The following CHL1 variants were observed in gnomAD, a reference collection of about 807,000 sequenced individuals.
CHL1 encodes the protein cell adhesion molecule L1 like.
Under a neutral mutation model 141.9 loss-of-function variants are expected in CHL1, and 96 were observed. That is an observed-to-expected ratio of 0.68 (90% CI 0.57 to 0.80). The LOEUF is 0.80. CHL1 is among the 30% of genes least tolerant of loss of function. The pLI is 0.00. For missense variants in CHL1, 1,820 were observed against 1,457.2 expected (o/e 1.25, Z -4.05); for synonymous variants, 613 against 502.2 (o/e 1.22, Z -2.95).
intron 1 of CHL1, among the ~76,000 whole-genome samples, chr3:218,921 C>G (rs532333166): frequency 6.6e-6 from 1 of 152,020 alleles, no homozygotes; most frequent in African/African-American, 2.4e-5. Flanking sequence ...CCAAGACGGG[C>G]GGATCACGAG....
At chr3:353,148 G>A (rs1032201175) in intron 10 of CHL1, among the ~76,000 whole-genome samples, 1 of 152,068 alleles carries the variant, frequency 6.6e-6, no homozygotes, top group Non-Finnish European at 1.5e-5. Flanking sequence ...AGTCCTAATA[G>A]TAAATATCCT....
chr3:375,228 C>A (rs1372945154), intron 15 of CHL1, among the ~76,000 whole-genome samples: 1 of 152,032 alleles, frequency 6.6e-6, no homozygotes. Flanking sequence ...GGCTATGAAA[C>A]CATTTTTAGA....
chr3:280,404 A>G (rs1229647887), intron 2 of CHL1, among the ~76,000 whole-genome samples: 1 of 152,214 alleles, frequency 6.6e-6, no homozygotes. Context: ...AAATTATTTT[A>G]TTAATAACAG....
chr3:323,419 G>A (rs1335969165), intron 3 of CHL1, among the ~76,000 whole-genome samples: 1 of 151,840 alleles, frequency 6.6e-6, no homozygotes, highest in African/African-American at 2.4e-5. Flanking sequence ...TCAGTGAGCG[G>A]GTATTTTTTC....
In CHL1 at chr3:239,998, T is replaced by C. The variant is rs998249467; in HGVS notation, c.-174-4615T>C. 6.6e-5 allele frequency among the ~76,000 whole-genome samples: 10 copies of C among 152,346 alleles called. No individual in the cohort carries two copies. In the South Asian group the frequency reaches 1.7e-3, roughly 25 times the overall value. On this transcript the variant is annotated intron_variant, in intron 1 of 27. Transcript: ENST00000256509. ...ATTTCTTTATCCACTTGTTGATTGATGGACATTTGGGCTGGTTCCACATTT... is the reference window on the plus strand; with the variant it reads ...ATTTCTTTATCCACTTGTTGATTGACGGACATTTGGGCTGGTTCCACATTT...
intron 5 of CHL1, among the ~76,000 whole-genome samples, chr3:330,461 C>T (rs1369373135): frequency 6.6e-6 from 1 of 151,612 alleles, no homozygotes; most frequent in Non-Finnish European, 1.5e-5. Flanking sequence ...TTTAAGGCAA[C>T]AGAATAAACT....
intron 24 of CHL1, among the ~76,000 whole-genome samples, chr3:395,466 T>C (rs1172166700): frequency 6.6e-6 from 1 of 152,204 alleles, no homozygotes; most frequent in Non-Finnish European, 1.5e-5. Context: ...CTTTCCCAAA[T>C]TGCATCTCCA....
chr3:222,890 C>G (rs1270412873), intron 1 of CHL1, among the ~76,000 whole-genome samples: 3 of 151,816 alleles, frequency 2.0e-5, no homozygotes, highest in African/African-American at 7.3e-5. Context: ...TTTTTTAGTG[C>G]CATCCTTCAT....
intron 10 of CHL1, 40 bp from the exon 11 acceptor site, chr3:354,600 A>AACATCTCTTGTTGTCTTGT (rs1559299525): frequency 6.4e-7 from 1 of 1,569,370 alleles, no homozygotes; most frequent in East Asian, 2.3e-5. Flanking sequence ...ACTTTTTGAC[A>AACATCTCTTGTTGTCTTGT]TAGATAACAT....
intron 11 of CHL1, among the ~76,000 whole-genome samples, chr3:359,600 G>A (rs1395470275): frequency 1.3e-5 from 2 of 152,146 alleles, no homozygotes; most frequent in African/African-American, 4.8e-5. Context: ...ACCATGCCCA[G>A]CCTCATGTTA....
At chr3:235,528 C>T (rs1302009198) in intron 1 of CHL1, among the ~76,000 whole-genome samples, 4 of 152,094 alleles carry the variant, frequency 2.6e-5, no homozygotes, top group African/African-American at 9.7e-5. Context: ...TATTAACTTG[C>T]CCACAATTAA....
At chr3:304,386 G>T (rs1257374175) in intron 2 of CHL1, among the ~76,000 whole-genome samples, 1 of 152,082 alleles carries the variant, frequency 6.6e-6, no homozygotes, top group Non-Finnish European at 1.5e-5. Context: ...TTTATTGGCT[G>T]GTAGATTATT....
chr3:292,003 C>G (rs1374957223), intron 2 of CHL1, among the ~76,000 whole-genome samples: 1 of 152,150 alleles, frequency 6.6e-6, no homozygotes, highest in East Asian at 1.9e-4. Flanking sequence ...TTGATGTCAG[C>G]ACTAACCAGG....
chr3:393,094 G>A lies in CHL1; in HGVS notation c.2914+1297G>A, dbSNP rs138274802. Among the ~76,000 whole-genome samples the A allele has an allele frequency of 6.2e-4, 95 of 152,156 alleles. 1 individual carries two copies. Among genetic ancestry groups the A allele is most frequent in the African/African-American group, 1.9e-3 (78 of 41,518 alleles). ...TAAAAATACAAAAAATTATCCAGGCGTGGTGGTGGGCCCCTGTAGTCCCAG... is the reference window on the plus strand; with the variant it reads ...TAAAAATACAAAAAATTATCCAGGCATGGTGGTGGGCCCCTGTAGTCCCAG... On this transcript the variant is annotated intron_variant, in intron 23 of 27. Coordinates refer to ENST00000256509, the MANE Select transcript of CHL1 (RefSeq NM_006614.4).
At chr3:318,682 G>A (rs563887853) in intron 2 of CHL1, among the ~76,000 whole-genome samples, 1 of 151,054 alleles carries the variant, frequency 6.6e-6, no homozygotes, top group Admixed American at 6.6e-5. Flanking sequence ...ACTCACATTT[G>A]TAAATTTCAG....
At chr3:327,544 A>AT (rs1367137160) in intron 4 of CHL1, among the ~76,000 whole-genome samples, 1 of 152,070 alleles carries the variant, frequency 6.6e-6, no homozygotes, top group Non-Finnish European at 1.5e-5. Flanking sequence ...CAAGTACCAA[A>AT]GAATAAATAT....
chr3:234,183 G>GTA (rs1222686889), intron 1 of CHL1, among the ~76,000 whole-genome samples: 1 of 112,472 alleles, frequency 8.9e-6, no homozygotes, highest in Non-Finnish European at 1.9e-5. Flanking sequence ...TTAGGTATAT[G>GTA]TGTGTGTGTG....
At chr3:318,225 C>CA (rs887937082) in intron 2 of CHL1, among the ~76,000 whole-genome samples, 43 of 151,706 alleles carry the variant, frequency 2.8e-4, no homozygotes, top group Admixed American at 3.3e-4. Context: ...TAAATTTTAC[C>CA]AATCGGTACA....
rs555522110 is a variant in CHL1 at position 268,551 on chromosome 3, G to GTAAAA, written c.-95+23883_-95+23887dup. ...CCCCATCTAAAAAAAATAAAATAAAGTAAAATAAAATAAAATAAAATAAAA... is the reference window on the plus strand; with the variant it reads ...CCCCATCTAAAAAAAATAAAATAAAGTAAAATAAAATAAAATAAAATAAAATAAAA... On this transcript the variant is annotated intron_variant, in intron 2 of 27. Coordinates refer to ENST00000256509, the MANE Select transcript of CHL1 (RefSeq NM_006614.4). Among the ~76,000 whole-genome samples the GTAAAA allele has an allele frequency of 1.2e-3, 183 of 151,592 alleles. 5 individuals carry two copies. In the South Asian group the frequency reaches 0.025, roughly 20 times the overall value.
Sources: gnomAD v4.1 joint callset for allele counts (sites outside exome capture counted in the v4.1 genomes callset) on GRCh38, gnomAD v4.1.1 for gene constraint, MANE v1.5 for transcripts, NCBI Gene and HGNC (gene_info 2026-07-23, HGNC 2026-07-21) for gene names.